Variants in LUZP2 observed in about 807,000 individuals in gnomAD.
LUZP2 encodes leucine zipper protein 2.
A neutral mutation model predicts 51.6 loss-of-function variants in LUZP2; 52 were observed. The ratio of observed to expected loss-of-function variants is 1.01; its 90% CI spans 0.81 to 1.27. The LOEUF (loss-of-function observed/expected upper bound fraction) is 1.27, where lower values mean the gene tolerates loss of function less well. Ranked by LOEUF, LUZP2 falls within the 50% of genes most tolerant of loss-of-function variation. LUZP2 has a pLI of 0.00. For synonymous variants in LUZP2, 154 were observed against 137.3 expected, an observed-to-expected ratio of 1.12 and a Z score of -0.85; for missense variants, 436 against 395.4, an observed-to-expected ratio of 1.10 and a Z score of -0.87.
intron 7 of LUZP2, among the ~76,000 whole-genome samples, chr11:24,960,767 G>A (rs1404576384): frequency 1.3e-5 from 2 of 152,074 alleles, no homozygotes; most frequent in Non-Finnish European, 2.9e-5. Flanking sequence ...TCTGATTTTA[G>A]TTATTTCTTG....
intron 10 of LUZP2, among the ~76,000 whole-genome samples, chr11:25,065,483 AC>A (rs1565302416): frequency 6.6e-6 from 1 of 152,026 alleles, no homozygotes; most frequent in Non-Finnish European, 1.5e-5. Context: ...TTTTAAAAAT[AC>A]GAAAATTGAG....
At chr11:24,585,873 G>T (rs190008006) in intron 1 of LUZP2, among the ~76,000 whole-genome samples, 2 of 152,116 alleles carry the variant, frequency 1.3e-5, no homozygotes, top group African/African-American at 4.8e-5. Flanking sequence ...AACACTGCAC[G>T]TTAGATAGTT....
rs1479304484 is a variant in LUZP2, at chr11:25,082,200, C to A, written c.*3542C>A. The A allele has an allele frequency of 6.6e-6, 1 of 152,570 alleles. No individual in the cohort carries two copies. Among genetic ancestry groups the A allele is most frequent in the African/African-American group, 2.4e-5 (1 of 41,438 alleles). 9.5% of individuals were successfully genotyped at this position (152,570 alleles called of 1,614,324 possible). On this transcript the variant is annotated 3_prime_UTR_variant, in exon 12 of 12. Transcript: ENST00000336930. ...CATTCCTTATGCAAATGTTTAGCAT[C>A]ATAGTGCTGTTTCAGATACAGATCT... is the stretch of plus-strand genomic sequence containing the variant.
chr11:25,033,033 T>A (rs1857737747), intron 9 of LUZP2, among the ~76,000 whole-genome samples: 1 of 152,170 alleles, frequency 6.6e-6, no homozygotes, highest in Non-Finnish European at 1.5e-5. Flanking sequence ...ATCATCTAAC[T>A]TTGGCAAACA....
intron 5 of LUZP2, among the ~76,000 whole-genome samples, chr11:24,821,578 T>C (rs147300370): frequency 4.0e-4 from 61 of 152,278 alleles, no homozygotes; most frequent in African/African-American, 1.4e-3. Flanking sequence ...GTAAGATTCA[T>C]GTTAGTAAAC....
chr11:25,020,983 C>T (rs1857317188), intron 9 of LUZP2, among the ~76,000 whole-genome samples: 1 of 151,908 alleles, frequency 6.6e-6, no homozygotes, highest in South Asian at 2.1e-4. Flanking sequence ...ATTCTGGTGA[C>T]ATTACTGAAT....
chr11:24,976,413 T>C (rs1418382353), intron 7 of LUZP2, among the ~76,000 whole-genome samples, 178 bp from the exon 8 acceptor site: 1 of 151,778 alleles, frequency 6.6e-6, no homozygotes, highest in African/African-American at 2.4e-5. Context: ...ATTCTGCACA[T>C]CAAATTATCA....
chr11:24,624,135 TAAG>T (rs1206844554), intron 1 of LUZP2, among the ~76,000 whole-genome samples: 1 of 152,110 alleles, frequency 6.6e-6, no homozygotes, highest in Non-Finnish European at 1.5e-5. Flanking sequence ...ATCAGATAAA[TAAG>T]AAGAATTTTC....
At chr11:24,513,774 A>G (rs1259297485) in intron 1 of LUZP2, among the ~76,000 whole-genome samples, 1 of 152,190 alleles carries the variant, frequency 6.6e-6, no homozygotes, top group Non-Finnish European at 1.5e-5. Context: ...GGTAGAAATG[A>G]ATACCTTACT....
intron 1 of LUZP2, among the ~76,000 whole-genome samples, chr11:24,709,756 G>A (rs1052279446): frequency 6.6e-6 from 1 of 152,130 alleles, no homozygotes; most frequent in Admixed American, 6.5e-5. Flanking sequence ...CTTTCTGCCA[G>A]TGTCATCGTT....
intron 7 of LUZP2, among the ~76,000 whole-genome samples, chr11:24,955,566 T>C (rs779692428): frequency 9.2e-5 from 14 of 152,046 alleles, no homozygotes; most frequent in Non-Finnish European, 1.3e-4. Flanking sequence ...TTAACCCTGA[T>C]AATATATAAA....
chr11:24,846,457 G>GA (rs1284268058), intron 5 of LUZP2, among the ~76,000 whole-genome samples: 1 of 151,672 alleles, frequency 6.6e-6, no homozygotes, highest in Non-Finnish European at 1.5e-5. Context: ...AAAATATTTT[G>GA]AAAAAAAGTA....
At chr11:24,880,862 G>A (rs1438643325) in intron 5 of LUZP2, among the ~76,000 whole-genome samples, 1 of 151,962 alleles carries the variant, frequency 6.6e-6, no homozygotes, top group East Asian at 1.9e-4. Context: ...TATTTATTTT[G>A]TTTTCTTTTT....
chr11:24,820,818 A>G (rs1291640384), intron 5 of LUZP2, among the ~76,000 whole-genome samples: 1 of 152,170 alleles, frequency 6.6e-6, no homozygotes, highest in Non-Finnish European at 1.5e-5. Context: ...GCATAGTGTA[A>G]GAAGAAGACT....
At chr11:25,001,122 C>G (rs1398377147) in intron 9 of LUZP2, among the ~76,000 whole-genome samples, 2 of 152,114 alleles carry the variant, frequency 1.3e-5, no homozygotes, top group Non-Finnish European at 2.9e-5. Flanking sequence ...TTTTAGCAAA[C>G]TCTACTTTTG....
intron 1 of LUZP2, among the ~76,000 whole-genome samples, chr11:24,545,005 T>C (rs879017824): frequency 2.0e-5 from 3 of 152,124 alleles, no homozygotes; most frequent in Non-Finnish European, 4.4e-5. Context: ...TGATATCTCA[T>C]TGTGGTTTTG....
chr11:24,739,462 G>T (rs1020471442), intron 4 of LUZP2, among the ~76,000 whole-genome samples: 4 of 152,076 alleles, frequency 2.6e-5, no homozygotes, highest in Non-Finnish European at 4.4e-5. Context: ...AGACGTTGGA[G>T]CATCAATGAG....
intron 1 of LUZP2, among the ~76,000 whole-genome samples, chr11:24,553,978 C>A (rs1207143278): frequency 6.6e-6 from 1 of 152,090 alleles, no homozygotes; most frequent in Non-Finnish European, 1.5e-5. Context: ...CTTTGTGCAG[C>A]CTACGTGAGG....
In LUZP2 at chr11:24,720,688, C is replaced by T. The variant is rs765999030; in HGVS notation, c.63-8481C>T. 5.0e-3 allele frequency among the ~76,000 whole-genome samples: 340 copies of T among 68,080 alleles called. 2 individuals carry two copies. The highest frequency in any genetic ancestry group is 0.023 in the Middle Eastern group (3 of 132). 44.7% of individuals were successfully genotyped at this position (68,080 alleles called of 152,430 possible). ...AGTATGGATCAAATTCAGACCTGTT[C>T]TTTTGTTTGTTTGTTTTGTTTTGTT... is the stretch of plus-strand genomic sequence containing the variant. On this transcript the variant is annotated intron_variant, in intron 1 of 11. Transcript: ENST00000336930.
Sources: allele counts gnomAD v4.1 joint callset (sites outside exome capture counted in the v4.1 genomes callset), GRCh38; gene constraint gnomAD v4.1.1; transcripts MANE v1.5; gene names NCBI Gene and HGNC (gene_info 2026-07-23, HGNC 2026-07-21).